Variants in GALNT11 observed in about 807,000 individuals in gnomAD.
The protein encoded by GALNT11 is UDP-GalNAc:polypeptide N-acetylgalactosaminyltransferase 11.
In GALNT11, 47 loss-of-function variants were observed where a neutral mutation model predicts 72.7. That is an observed-to-expected ratio of 0.65 (90% CI 0.51 to 0.82). The LOEUF (loss-of-function observed/expected upper bound fraction) is 0.82. Ranked by LOEUF, GALNT11 falls within the 40% of genes least tolerant of loss-of-function variation. GALNT11 has a pLI of 0.00. For missense variants in GALNT11, 677 were observed against 778.4 expected (o/e 0.87, Z 1.55); for synonymous variants, 270 against 286.6 (o/e 0.94, Z 0.58).
rs555561382 is a variant in GALNT11 at position 152,113,131 on chromosome 7, T to C, written c.1081-115T>C. On this transcript the variant is annotated intron_variant, in intron 7 of 11. Transcript: ENST00000430044. The stretch of plus-strand genomic sequence containing the variant: ...ATATTTGTATCTAATAAGATAAATA[T>C]CTTGCCAAGTTTCATAAACACCTAT... The C allele has an allele frequency of 1.4e-4, 150 of 1,072,796 alleles. 1 individual carries two copies. In the South Asian group the frequency reaches 1.4e-3, roughly 10 times the overall value. The allele number at this position is 1,072,796 out of a possible 1,614,324, so 66.5% of individuals were successfully genotyped here.
At chr7:152,079,805 G>A (rs2085211541) in intron 1 of GALNT11, among the ~76,000 whole-genome samples, 1 of 152,184 alleles carries the variant, frequency 6.6e-6, no homozygotes, top group South Asian at 2.1e-4. Flanking sequence ...CTGTACTGTT[G>A]TAAATTAATA....
intron 1 of GALNT11, among the ~76,000 whole-genome samples, chr7:152,055,927 G>A (rs922817819): frequency 2.0e-5 from 3 of 151,986 alleles, no homozygotes; most frequent in Non-Finnish European, 1.5e-5. Flanking sequence ...TCTTGCAAAA[G>A]TATACTGTAA....
intron 1 of GALNT11, among the ~76,000 whole-genome samples, chr7:152,073,442 C>T (rs965891221): frequency 1.3e-5 from 2 of 152,208 alleles, no homozygotes; most frequent in African/African-American, 4.8e-5. Context: ...TTAATATCCT[C>T]CAGTTCCATC....
At chr7:152,055,696 G>C (rs1273176892) in intron 1 of GALNT11, among the ~76,000 whole-genome samples, 4 of 151,756 alleles carry the variant, frequency 2.6e-5, no homozygotes, top group African/African-American at 4.8e-5. Context: ...ATTCTATAAA[G>C]TATATAAACT....
At chr7:152,035,441 A>C (rs557001114) in intron 1 of GALNT11, among the ~76,000 whole-genome samples, 2 of 152,320 alleles carry the variant, frequency 1.3e-5, no homozygotes, top group South Asian at 4.1e-4. Flanking sequence ...GATAGGTAGG[A>C]TAGATGGGCG....
chr7:152,049,533 G>C (rs1209972164), intron 1 of GALNT11, among the ~76,000 whole-genome samples: 1 of 152,148 alleles, frequency 6.6e-6, no homozygotes, highest in African/African-American at 2.4e-5. Context: ...GGTGAAACAA[G>C]CACTGCTGTG....
rs972817076 is a variant in GALNT11 at position 152,100,573 on chromosome 7, A to T, written c.296-225A>T. Among the ~76,000 whole-genome samples, 6 of 152,062 alleles carry T rather than the reference A, an allele frequency of 3.9e-5. No individual in the cohort carries two copies. In the East Asian group the frequency reaches 1.2e-3, roughly 29 times the overall value. ...GAGGGAAACTCCATCTCAAAAAAAA[A>T]AAAAAAATTATGGCTTGTGAGCAGG... On this transcript the variant is annotated intron_variant, in intron 2 of 11. Coordinates refer to ENST00000430044, the MANE Select transcript of GALNT11 (RefSeq NM_022087.4).
Position 152,025,823 on chromosome 7 carries a change from G to T in GALNT11, c.-100G>T. The T allele has an allele frequency of 3.6e-6, 1 of 278,790 alleles. No individual in the cohort carries two copies. Among genetic ancestry groups the T allele is most frequent in the Non-Finnish European group, 7.8e-6 (1 of 128,848 alleles). 17.3% of individuals were successfully genotyped at this position (278,790 alleles called of 1,614,324 possible). On this transcript the variant is annotated 5_prime_UTR_variant, in exon 1 of 12. Transcript: ENST00000430044. ...CTGCGGGTCGGACTGGGGCTGTGGCGGGAGAGAAGATGCCGCAGCCCGAGT... is the reference window on the plus strand; with the variant it reads ...CTGCGGGTCGGACTGGGGCTGTGGCTGGAGAGAAGATGCCGCAGCCCGAGT...
At chr7:152,081,387 G>A (rs1563060958) in intron 1 of GALNT11, among the ~76,000 whole-genome samples, 1 of 152,144 alleles carries the variant, frequency 6.6e-6, no homozygotes, top group Non-Finnish European at 1.5e-5. Flanking sequence ...CACCCCTCAG[G>A]CTAATCTGAT....
At chr7:152,110,378 C>G in intron 6 of GALNT11, 150 bp from the exon 7 acceptor site, 7 of 675,434 alleles carry the variant, frequency 1.0e-5, no homozygotes, top group Non-Finnish European at 1.8e-5. Context: ...TATGGCCTGG[C>G]TCATTCTCTG....
intron 1 of GALNT11, among the ~76,000 whole-genome samples, chr7:152,080,401 A>G (rs937522320): frequency 6.6e-6 from 1 of 152,230 alleles, no homozygotes; most frequent in Admixed American, 6.5e-5. Context: ...CATTTATTAA[A>G]TCACTACATA....
intron 1 of GALNT11, among the ~76,000 whole-genome samples, chr7:152,083,620 TCACACCC>T: frequency 6.6e-6 from 1 of 152,180 alleles, no homozygotes; most frequent in African/African-American, 2.4e-5. Context: ...GCAGTGGGGC[TCACACCC>T]CACTAGTTCT....
chr7:152,087,269 G>T (rs1297014513), intron 1 of GALNT11, among the ~76,000 whole-genome samples: 1 of 152,184 alleles, frequency 6.6e-6, no homozygotes, highest in Admixed American at 6.5e-5. Context: ...TTTAAATAGG[G>T]TAATCTTGGT....
chr7:152,105,440 G>C, intron 5 of GALNT11, 70 bp downstream of exon 5: 1 of 1,555,348 alleles, frequency 6.4e-7, no homozygotes, highest in Admixed American at 2.0e-5. Context: ...CGCCTGTCCT[G>C]ATTCTGCAAA....
chr7:152,110,347 G>C (rs890368815), intron 6 of GALNT11, among the ~76,000 whole-genome samples, 181 bp from the exon 7 acceptor site: 7 of 152,154 alleles, frequency 4.6e-5, no homozygotes, highest in Non-Finnish European at 8.8e-5. Flanking sequence ...CATATTATTA[G>C]CAATCTAGAA....
At chr7:152,116,171 A>C (rs927002738) in intron 8 of GALNT11, among the ~76,000 whole-genome samples, 1 of 152,238 alleles carries the variant, frequency 6.6e-6, no homozygotes, top group Non-Finnish European at 1.5e-5. Flanking sequence ...TATTTTCCAA[A>C]TGACTAATCC....
rs189674390 is a variant in GALNT11, at chr7:152,118,348, C to T, written c.1453-330C>T. ...ATACATGTTGTTCTTATATCCCTGA[C>T]TTCATTTGAAGGTTCTTTAGGGCAG... On this transcript the variant is annotated intron_variant, in intron 9 of 11. Transcript: ENST00000430044. 366 of 263,508 alleles carry T rather than the reference C, an allele frequency of 1.4e-3. 1 individual carries two copies. Among genetic ancestry groups the T allele is most frequent in the Admixed American group, 2.4e-3 (40 of 16,554 alleles). The allele number at this position is 263,508 out of a possible 1,614,324, so 16.3% of individuals were successfully genotyped here.
At chr7:152,063,417 T>C (rs1301605332) in intron 1 of GALNT11, among the ~76,000 whole-genome samples, 1 of 152,216 alleles carries the variant, frequency 6.6e-6, no homozygotes, top group Admixed American at 6.5e-5. Flanking sequence ...AACCAGCTCC[T>C]GGATTCATTG....
intron 11 of GALNT11, among the ~76,000 whole-genome samples, chr7:152,121,298 C>T (rs986530728): frequency 2.6e-5 from 4 of 152,168 alleles, no homozygotes. Flanking sequence ...GGCGGATCGC[C>T]GTAGCCCAAC....
Sources: allele counts gnomAD v4.1 joint callset (sites outside exome capture counted in the v4.1 genomes callset), GRCh38; gene constraint gnomAD v4.1.1; transcripts MANE v1.5; gene names NCBI Gene and HGNC (gene_info 2026-07-23, HGNC 2026-07-21).